The following KHDRBS2 variants were observed in gnomAD, a reference collection of about 807,000 sequenced individuals.
KHDRBS2 encodes the protein KH RNA binding domain containing, signal transduction associated 2, also known as KH domain-containing, RNA-binding, signal transduction-associated protein 2.
Under a neutral mutation model 44.3 loss-of-function variants are expected in KHDRBS2, and 26 were observed. That is an observed-to-expected ratio of 0.59 (90% CI 0.43 to 0.81). The LOEUF is 0.81. KHDRBS2 is among the 40% of genes least tolerant of loss of function. KHDRBS2 has a pLI of 0.00. For synonymous variants in KHDRBS2, 194 were observed against 151.1 expected (o/e 1.28, Z -2.08); for missense variants, 476 against 433.1 (o/e 1.10, Z -0.88).
the KHDRBS2 span, among the ~76,000 whole-genome samples, chr6:61,638,577 C>T: frequency 1.3e-5 from 2 of 152,064 alleles, no homozygotes; most frequent in African/African-American, 4.8e-5. Flanking sequence ...TAGGCATTAC[C>T]ATTCAGGGCA....
the KHDRBS2 span, among the ~76,000 whole-genome samples, chr6:61,560,406 C>A: frequency 1.3e-5 from 2 of 152,138 alleles, no homozygotes; most frequent in Non-Finnish European, 2.9e-5. Flanking sequence ...CTACCCCTAT[C>A]TCCCTACCTT....
At chr6:61,605,665 C>CT in the KHDRBS2 span, among the ~76,000 whole-genome samples, 3 of 152,158 alleles carry the variant, frequency 2.0e-5, no homozygotes, top group African/African-American at 7.2e-5. Context: ...TCACCTTAAT[C>CT]TCTCCCACTC....
chr6:62,173,584 A>G (rs1397375744), intron 2 of KHDRBS2, among the ~76,000 whole-genome samples: 1 of 152,008 alleles, frequency 6.6e-6, no homozygotes, highest in Non-Finnish European at 1.5e-5. Context: ...CATCATCCTG[A>G]TACCAAAACC....
At chr6:62,048,663 G>A (rs749330611) in intron 2 of KHDRBS2, among the ~76,000 whole-genome samples, 30 of 151,724 alleles carry the variant, frequency 2.0e-4, no homozygotes, top group East Asian at 3.9e-4. Context: ...ACACTTTGTC[G>A]AAATAAAAAA....
At chr6:61,706,407 G>T (rs1321850984) in intron 7 of KHDRBS2, among the ~76,000 whole-genome samples, 39 of 151,788 alleles carry the variant, frequency 2.6e-4, no homozygotes, top group Admixed American at 2.6e-3. Context: ...AGTAGACTTG[G>T]CTATTAGACA....
chr6:61,922,933 T>C (rs2127360368), intron 4 of KHDRBS2, among the ~76,000 whole-genome samples: 1 of 152,198 alleles, frequency 6.6e-6, no homozygotes, highest in African/African-American at 2.4e-5. Context: ...AGCAGTAAAA[T>C]ATGATACATA....
chr6:61,925,731 A>C (rs904241013), intron 4 of KHDRBS2, among the ~76,000 whole-genome samples: 3 of 151,970 alleles, frequency 2.0e-5, no homozygotes, highest in African/African-American at 7.3e-5. Context: ...CTCTCAAAAA[A>C]AAAAAAAAAA....
At chr6:61,557,740 T>C in the KHDRBS2 span, among the ~76,000 whole-genome samples, 5 of 152,184 alleles carry the variant, frequency 3.3e-5, no homozygotes, top group African/African-American at 1.2e-4. Flanking sequence ...CTGAATTTGG[T>C]AAAATTCAGC....
the KHDRBS2 span, among the ~76,000 whole-genome samples, chr6:61,646,285 T>C: frequency 6.6e-6 from 1 of 152,280 alleles, no homozygotes; most frequent in East Asian, 1.9e-4. Context: ...AGAGGTATTG[T>C]TTTCTACAAT....
chr6:61,860,599 T>A (rs1384878024), intron 6 of KHDRBS2, among the ~76,000 whole-genome samples: 1 of 152,158 alleles, frequency 6.6e-6, no homozygotes, highest in African/African-American at 2.4e-5. Context: ...ATGTACCACA[T>A]TTTCTTATCC....
At chr6:61,854,445 T>C (rs558731079) in intron 6 of KHDRBS2, among the ~76,000 whole-genome samples, 1 of 152,282 alleles carries the variant, frequency 6.6e-6, no homozygotes, top group African/African-American at 2.4e-5. Context: ...TTCTAATGAT[T>C]ACCTTGCCAA....
intron 6 of KHDRBS2, among the ~76,000 whole-genome samples, chr6:61,741,087 A>G (rs552698866): frequency 3.9e-5 from 6 of 151,916 alleles, no homozygotes; most frequent in Non-Finnish European, 7.4e-5. Flanking sequence ...CCTTGAATTT[A>G]CCCAAAAGAT....
intron 2 of KHDRBS2, among the ~76,000 whole-genome samples, chr6:62,073,917 C>T (rs752337909): frequency 2.0e-5 from 3 of 151,752 alleles, no homozygotes; most frequent in Non-Finnish European, 4.4e-5. Flanking sequence ...TGGATTTATG[C>T]CCTGCTTTTC....
chr6:62,083,285 T>G (rs1407098179), intron 2 of KHDRBS2, among the ~76,000 whole-genome samples: 1 of 151,352 alleles, frequency 6.6e-6, no homozygotes, highest in African/African-American at 2.4e-5. Context: ...CAGAGAAGAG[T>G]TCAGCCAGGG....
chr6:62,082,957 G>A (rs7747735), intron 2 of KHDRBS2, among the ~76,000 whole-genome samples: 48 of 152,148 alleles, frequency 3.2e-4, no homozygotes, highest in African/African-American at 9.6e-4. Flanking sequence ...TTGAATTCCC[G>A]TCATTTACAA....
chr6:62,160,676 A>C (rs1264842643), intron 2 of KHDRBS2, among the ~76,000 whole-genome samples: 1 of 152,140 alleles, frequency 6.6e-6, no homozygotes, highest in East Asian at 1.9e-4. Context: ...GGTTGAAAGA[A>C]GATGACGACC....
intron 1 of KHDRBS2, among the ~76,000 whole-genome samples, chr6:62,249,297 A>G (rs532386655): frequency 6.6e-6 from 1 of 152,230 alleles, no homozygotes; most frequent in South Asian, 2.1e-4. Flanking sequence ...CTTAATGAAT[A>G]TCTCACCCTA....
chr6:62,031,560 T>C (rs1233904713), intron 3 of KHDRBS2, among the ~76,000 whole-genome samples: 1 of 152,066 alleles, frequency 6.6e-6, no homozygotes, highest in African/African-American at 2.4e-5. Flanking sequence ...ACAAGCTGAA[T>C]GAATGCCTTG....
intron 2 of KHDRBS2, among the ~76,000 whole-genome samples, chr6:62,062,445 A>T (rs2127328731): frequency 6.6e-6 from 1 of 151,656 alleles, no homozygotes; most frequent in African/African-American, 2.4e-5. Flanking sequence ...ACCACAGTGC[A>T]ATCAAACTAG....
Sources: gnomAD v4.1 joint callset for allele counts (sites outside exome capture counted in the v4.1 genomes callset) on GRCh38, gnomAD v4.1.1 for gene constraint, MANE v1.5 for transcripts, NCBI Gene and HGNC (gene_info 2026-07-23, HGNC 2026-07-21) for gene names.